ZNF385D: variants seen among roughly 807,000 people sequenced by gnomAD.
ZNF385D encodes zinc finger protein 659.
In ZNF385D, 15 loss-of-function variants were observed where a neutral mutation model predicts 35.8. That is an observed-to-expected ratio of 0.42 (90% confidence interval 0.28 to 0.64). ZNF385D has a LOEUF of 0.64. Ranked by LOEUF, ZNF385D falls within the 30% of genes least tolerant of loss-of-function variation. The pLI, the probability that ZNF385D is intolerant of heterozygous loss-of-function variation, is 0.23. For synonymous variants in ZNF385D, 212 were observed against 186.8 expected (o/e 1.13, Z -1.10); for missense variants, 474 against 494.6 (o/e 0.96, Z 0.39).
chr3:21,912,890 T>A (rs259542), intron 3 of ZNF385D, among the ~76,000 whole-genome samples: 64,795 of 151,786 alleles, frequency 0.43, 14,098 homozygotes, highest in Middle Eastern at 0.56. Flanking sequence ...ATACAGAACA[T>A]TCTTAAACTA....
At chr3:21,772,654 C>T (rs1039028543) in intron 3 of ZNF385D, among the ~76,000 whole-genome samples, 1 of 151,786 alleles carries the variant, frequency 6.6e-6, no homozygotes, top group Admixed American at 6.6e-5. Context: ...TATGGTGATA[C>T]TTCAAAAATT....
intron 1 of ZNF385D, among the ~76,000 whole-genome samples, chr3:21,666,749 C>G (rs1468224672): frequency 6.6e-6 from 1 of 152,076 alleles, no homozygotes; most frequent in Non-Finnish European, 1.5e-5. Context: ...ATTTTAAAAA[C>G]CAAAATAAAT....
intron 4 of ZNF385D, among the ~76,000 whole-genome samples, chr3:21,474,734 C>T (rs1704123196): frequency 6.6e-6 from 1 of 152,212 alleles, no homozygotes. Context: ...TCAAAATCCT[C>T]TCACAAGTCT....
chr3:21,661,153 G>A lies in ZNF385D; in HGVS notation c.165+3733C>T, dbSNP rs1432825530. On this transcript the variant is annotated intron_variant, in intron 2 of 7. Transcript: ENST00000281523. Reference sequence around the variant, plus strand: ...AACAGTCTTCTCTGACCTGTTTGTCGAATACTCCCAATGGTTTTGTATGCA... The same window carrying A: ...AACAGTCTTCTCTGACCTGTTTGTCAAATACTCCCAATGGTTTTGTATGCA... Among the ~76,000 whole-genome samples, 7 of 152,116 alleles carry A rather than the reference G, an allele frequency of 4.6e-5. No individual in the cohort carries two copies. The East Asian group carries it at 7.7e-4, about 17-fold the overall frequency.
intron 2 of ZNF385D, among the ~76,000 whole-genome samples, chr3:22,195,961 G>A (rs1696385378): frequency 1.3e-5 from 2 of 152,016 alleles, no homozygotes; most frequent in Non-Finnish European, 2.9e-5. Context: ...TTATAAGTGT[G>A]ACCTAAATGA....
intron 3 of ZNF385D, among the ~76,000 whole-genome samples, chr3:21,959,801 A>G (rs748724750): frequency 6.6e-5 from 10 of 152,320 alleles, no homozygotes; most frequent in Admixed American, 5.2e-4. Context: ...TGACCTAGAA[A>G]GAGAAAATCT....
intron 3 of ZNF385D, among the ~76,000 whole-genome samples, chr3:21,879,590 T>C (rs1233925307): frequency 3.3e-5 from 5 of 151,968 alleles, no homozygotes; most frequent in Non-Finnish European, 7.4e-5. Flanking sequence ...TCCTCACACA[T>C]CCTAAATACA....
chr3:21,981,745 T>G (rs1287674794), intron 3 of ZNF385D, among the ~76,000 whole-genome samples: 1 of 152,174 alleles, frequency 6.6e-6, no homozygotes, highest in African/African-American at 2.4e-5. Context: ...TTGTGTATGG[T>G]GTATGGAAGG....
chr3:21,923,155 G>C lies in ZNF385D; in HGVS notation c.325+245662C>G, dbSNP rs375567155. The stretch of plus-strand genomic sequence containing the variant: ...CCCATTAACTCGTGATTTACATTAG[G>C]TATATCTCCTAATGCTATCCCTCCC... On this transcript the variant is annotated intron_variant, in intron 3 of 5. Coordinates refer to the ZNF385D transcript ENST00000494108. 1.8e-3 allele frequency among the ~76,000 whole-genome samples: 268 copies of C among 152,144 alleles called. 6 individuals carry two copies. The South Asian group carries it at 0.054, about 31-fold the overall frequency.
intron 3 of ZNF385D, among the ~76,000 whole-genome samples, chr3:21,789,405 T>A (rs1415783591): frequency 6.6e-6 from 1 of 152,082 alleles, no homozygotes; most frequent in Non-Finnish European, 1.5e-5. Flanking sequence ...AGTGGGGAGA[T>A]CTAGGGCAGA....
chr3:21,454,869 C>T (rs999377362), intron 4 of ZNF385D, among the ~76,000 whole-genome samples: 3 of 152,150 alleles, frequency 2.0e-5, no homozygotes, highest in Non-Finnish European at 4.4e-5. Flanking sequence ...TCGCCTTAAG[C>T]TGATAAGCAA....
intron 1 of ZNF385D, among the ~76,000 whole-genome samples, chr3:21,709,651 A>G (rs957167293): frequency 6.6e-6 from 1 of 152,174 alleles, no homozygotes; most frequent in African/African-American, 2.4e-5. Context: ...AACATCACAT[A>G]CTAGTTTTAG....
At chr3:21,913,877 A>G (rs887627628) in intron 3 of ZNF385D, among the ~76,000 whole-genome samples, 1 of 152,118 alleles carries the variant, frequency 6.6e-6, no homozygotes, top group African/African-American at 2.4e-5. Context: ...AGTTGTTAAA[A>G]TTAGGCAAGG....
chr3:22,307,026 A>G (rs1289818766), intron 2 of ZNF385D, among the ~76,000 whole-genome samples: 1 of 152,142 alleles, frequency 6.6e-6, no homozygotes. Context: ...GGCTCTGTAG[A>G]GGGGATTTAC....
intron 3 of ZNF385D, among the ~76,000 whole-genome samples, chr3:21,827,984 T>C (rs1320349072): frequency 1.3e-5 from 2 of 152,204 alleles, no homozygotes; most frequent in African/African-American, 4.8e-5. Flanking sequence ...GTCAGTTGTG[T>C]TGGATATTAA....
At chr3:21,442,505 A>T (rs925526123) in intron 4 of ZNF385D, among the ~76,000 whole-genome samples, 3 of 152,172 alleles carry the variant, frequency 2.0e-5, no homozygotes, top group African/African-American at 7.2e-5. Context: ...AAAAACAAAA[A>T]CAAAAACAAA....
At chr3:21,677,887 G>T (rs1488482186) in intron 1 of ZNF385D, among the ~76,000 whole-genome samples, 1 of 151,944 alleles carries the variant, frequency 6.6e-6, no homozygotes, top group African/African-American at 2.4e-5. Flanking sequence ...GCGTACATAG[G>T]TTGATTGATT....
At chr3:21,639,024 A>T (rs9866105) in intron 2 of ZNF385D, among the ~76,000 whole-genome samples, 3,440 of 152,228 alleles carry the variant, frequency 0.023, 129 homozygotes, top group African/African-American at 0.078. Context: ...ATATTTTAAC[A>T]TCAAAAAGAG....
chr3:21,982,198 T>C (rs1694502600), intron 3 of ZNF385D, among the ~76,000 whole-genome samples: 5 of 151,982 alleles, frequency 3.3e-5, no homozygotes, highest in African/African-American at 2.4e-5. Context: ...ATTCTTCCTA[T>C]TCATGAGCGT....
Sources: allele counts gnomAD v4.1 joint callset (sites outside exome capture counted in the v4.1 genomes callset), GRCh38; gene constraint gnomAD v4.1.1; transcripts MANE v1.5; gene names NCBI Gene and HGNC (gene_info 2026-07-23, HGNC 2026-07-21).